MED9: variants seen among roughly 807,000 people sequenced by gnomAD.
MED9 encodes mediator complex subunit 9.
A neutral mutation model predicts 13.2 loss-of-function variants in MED9; 8 were observed. The ratio of observed to expected loss-of-function variants is 0.61; its 90% CI spans 0.36 to 1.10. The LOEUF (loss-of-function observed/expected upper bound fraction) is 1.10. Ranked by LOEUF, MED9 falls within the 50% of genes least tolerant of loss-of-function variation. The pLI, the probability that MED9 is intolerant of heterozygous loss-of-function variation, is 0.02. For synonymous variants in MED9, 87 were observed against 82.8 expected, an observed-to-expected ratio of 1.05 and a Z score of -0.28; for missense variants, 180 against 193.4, an observed-to-expected ratio of 0.93 and a Z score of 0.41.
At chr17:17,485,040 C>G (rs1287358071) in intron 1 of MED9, 2 of 238,834 alleles carry the variant, frequency 8.4e-6, no homozygotes, top group East Asian at 7.7e-5. Context: ...GAGTCTCACT[C>G]TGTCGCCCAG....
At chr17:17,487,669 C>T (rs1270048630) in intron 1 of MED9, 2 of 177,208 alleles carry the variant, frequency 1.1e-5, no homozygotes, top group Non-Finnish European at 1.1e-5. Context: ...GGTCCGTGGC[C>T]TCATTCTTGA....
intron 1 of MED9, among the ~76,000 whole-genome samples, chr17:17,480,421 CT>C (rs1222216855): frequency 1.3e-5 from 2 of 152,090 alleles, no homozygotes; most frequent in Non-Finnish European, 2.9e-5. Context: ...TCCACTAAGC[CT>C]TTTAGTGTTT....
chr17:17,492,628 T>A lies in MED9; in HGVS notation c.*1133T>A, dbSNP rs1905261199. On this transcript the variant is annotated 3_prime_UTR_variant, in exon 2 of 2. Transcript: ENST00000268711. The stretch of plus-strand genomic sequence containing the variant: ...GTGTGCTCTCCCTTGACTGTCAGAT[T>A]GAAGTAAGAGCAGTTCTCTCCGTTG... 6.6e-6 allele frequency: 1 copy of A among 152,186 alleles called. No homozygotes were observed. The highest frequency in any genetic ancestry group is 2.1e-4 in the South Asian group (1 of 4,834). The allele number at this position is 152,186 out of a possible 1,614,324, so 9.4% of individuals were successfully genotyped here.
chr17:17,485,249 C>A, intron 1 of MED9: 1 of 397,464 alleles, frequency 2.5e-6, no homozygotes, highest in South Asian at 1.3e-4. Flanking sequence ...AGGCACACGC[C>A]ACCACGCCTT....
chr17:17,491,528 G>A lies in MED9; in HGVS notation c.*33G>A, dbSNP rs778222964. On this transcript the variant is annotated 3_prime_UTR_variant, in exon 2 of 2. Coordinates refer to ENST00000268711, the MANE Select transcript of MED9 (RefSeq NM_018019.3). The stretch of plus-strand genomic sequence containing the variant: ...CTGACTTCCTTAGAAAGAGGGGGAA[G>A]CCAATGGCCTGTCTCCCCACTACCA... The A allele has an allele frequency of 1.3e-6, 2 of 1,564,026 alleles. No individual in the cohort carries two copies. The highest frequency in any genetic ancestry group is 1.1e-5 in the South Asian group (1 of 89,920).
rs577959327 is a variant in MED9 at position 17,477,321 on chromosome 17, C to T, written c.224+56C>T. 1.4e-5 allele frequency: 21 copies of T among 1,497,054 alleles called. 1 individual carries two copies. The African/African-American group carries it at 2.0e-4, about 14-fold the overall frequency. 92.7% of individuals were successfully genotyped at this position (1,497,054 alleles called of 1,614,324 possible). The stretch of plus-strand genomic sequence containing the variant: ...ACTCCCTCCAGCTTCTCCTCTCAGC[C>T]GTTTCAGAGCTGCAAGAGGCCTTGG... On this transcript the variant is annotated intron_variant, in intron 1 of 1. Coordinates refer to ENST00000268711, the MANE Select transcript of MED9 (RefSeq NM_018019.3).
In MED9 at chr17:17,491,384, C is replaced by T. The variant is rs1307517794; in HGVS notation, c.330C>T (p.Ser110=). ...LISTMPGIHL[S]PEQQQQQLQS... ...GCACCATGCCCGGCATCCACCTGAGCCCCGAACAGCAGCAGCAGCAGCTGC... is the reference window on the plus strand; with the variant it reads ...GCACCATGCCCGGCATCCACCTGAGTCCCGAACAGCAGCAGCAGCAGCTGC... Residue 110 remains serine (S), a synonymous_variant, in exon 2 of 2, where the codon AGC becomes AGT. Transcript: ENST00000268711. 5.0e-6 allele frequency: 8 copies of T among 1,614,018 alleles called. No homozygotes were observed. The highest frequency in any genetic ancestry group is 1.1e-5 in the South Asian group (1 of 91,090).
At chr17:17,481,886 GCTAA>G (rs752275216) in intron 1 of MED9, among the ~76,000 whole-genome samples, 1 of 152,110 alleles carries the variant, frequency 6.6e-6, no homozygotes, top group Non-Finnish European at 1.5e-5. Flanking sequence ...CGTCTTTTTA[GCTAA>G]CTCTTTTCCA....
At chr17:17,478,715 G>T (rs549106766) in intron 1 of MED9, among the ~76,000 whole-genome samples, 4 of 152,218 alleles carry the variant, frequency 2.6e-5, no homozygotes, top group African/African-American at 9.6e-5. Context: ...AAATTAGCCG[G>T]GTGTGGTGGC....
chr17:17,480,540 C>T (rs1010415560), intron 1 of MED9, among the ~76,000 whole-genome samples: 1 of 152,158 alleles, frequency 6.6e-6, no homozygotes, highest in Non-Finnish European at 1.5e-5. Context: ...TCTGCAAGCC[C>T]AGCACCTGGG....
intron 1 of MED9, chr17:17,477,569 T>A: frequency 2.8e-6 from 1 of 354,964 alleles, no homozygotes; most frequent in Non-Finnish European, 5.1e-6. Context: ...TAAATCTCTT[T>A]AAGCCTCAGT....
chr17:17,479,519 TAA>T (rs35147742), intron 1 of MED9, among the ~76,000 whole-genome samples: 4 of 144,994 alleles, frequency 2.8e-5, no homozygotes, highest in Admixed American at 6.9e-5. Context: ...GAAGGGAGTT[TAA>T]AAAAAAAAAA....
chr17:17,478,481 C>G (rs982021275), intron 1 of MED9, among the ~76,000 whole-genome samples: 1 of 152,190 alleles, frequency 6.6e-6, no homozygotes, highest in Admixed American at 6.5e-5. Flanking sequence ...TGACCTGATG[C>G]TCTTCTGCCA....
chr17:17,482,680 G>T (rs1905051929), intron 1 of MED9, among the ~76,000 whole-genome samples: 1 of 152,128 alleles, frequency 6.6e-6, no homozygotes, highest in Non-Finnish European at 1.5e-5. Flanking sequence ...GTCCTACTTA[G>T]AAAGGCTTTC....
chr17:17,487,447 G>C (rs1264556170), intron 1 of MED9: 1 of 165,806 alleles, frequency 6.0e-6, no homozygotes, highest in African/African-American at 2.4e-5. Flanking sequence ...TCACTCCTGA[G>C]CCCAGCGAGA....
At chr17:17,482,517 G>A (rs901893022) in intron 1 of MED9, among the ~76,000 whole-genome samples, 4 of 152,126 alleles carry the variant, frequency 2.6e-5, no homozygotes, top group African/African-American at 4.8e-5. Context: ...GAAATAATGT[G>A]TGTCAAATGT....
At chr17:17,477,563 T>C in intron 1 of MED9, 1 of 381,118 alleles carries the variant, frequency 2.6e-6, no homozygotes, top group Non-Finnish European at 4.7e-6. Context: ...GCAAATTAAA[T>C]CTCTTTAAGC....
At position 17,483,556 on chromosome 17, in the gene MED9, T is replaced by C. The variant is rs1273433826; in HGVS notation, c.224+6291T>C. Among the ~76,000 whole-genome samples, 1 of 152,156 alleles carries C rather than the reference T, an allele frequency of 6.6e-6. No individual in the cohort carries two copies. Among genetic ancestry groups the C allele is most frequent in the Non-Finnish European group, 1.5e-5 (1 of 68,030 alleles). On this transcript the variant is annotated intron_variant, in intron 1 of 1. Transcript: ENST00000268711. The surrounding 1 kb of genome is among the most constrained non-coding windows in gnomAD (Gnocchi z 4.2). ...CTGGCTGGGACAGCCCTGCTTGGAG[T>C]TGGAACCCATAGCACTTTCATCTCT...
At chr17:17,481,392 A>G (rs1349800529) in intron 1 of MED9, among the ~76,000 whole-genome samples, 1 of 152,194 alleles carries the variant, frequency 6.6e-6, no homozygotes, top group Non-Finnish European at 1.5e-5. Context: ...TTTTTGAAAA[A>G]TTATTTAATA....
Sources: allele counts gnomAD v4.1 joint callset (sites outside exome capture counted in the v4.1 genomes callset), GRCh38; gene constraint gnomAD v4.1.1; non-coding constraint Gnocchi (gnomAD v3.1); transcripts MANE v1.5; gene names NCBI Gene and HGNC (gene_info 2026-07-23, HGNC 2026-07-21).